The following DNAH11 variants were observed in gnomAD, a reference collection of about 807,000 sequenced individuals.
DNAH11 encodes the protein axonemal beta dynein heavy chain 11.
Under a neutral mutation model 526.0 loss-of-function variants are expected in DNAH11, and 442 were observed. The ratio of observed to expected loss-of-function variants is 0.84; its 90% CI spans 0.78 to 0.91. The LOEUF is 0.91. Among genes scored for constraint, DNAH11 ranks in the 40% least tolerant of loss-of-function variants. The pLI, the probability that DNAH11 is intolerant of heterozygous loss-of-function variation, is 0.00. For missense variants in DNAH11, 6,989 were observed against 5,448.7 expected (o/e 1.28, Z -8.90); for synonymous variants, 2,461 against 1,935.9 (o/e 1.27, Z -7.12).
intron 66 of DNAH11, among the ~76,000 whole-genome samples, chr7:21,848,674 T>A (rs1782512605): frequency 6.6e-6 from 1 of 152,124 alleles, no homozygotes; most frequent in Admixed American, 6.5e-5. Context: ...TACAACATGA[T>A]GTATGTATTT....
At chr7:21,578,875 C>T (rs756453659) in intron 8 of DNAH11, among the ~76,000 whole-genome samples, 32 of 152,156 alleles carry the variant, frequency 2.1e-4, no homozygotes, top group Non-Finnish European at 4.0e-4. Context: ...CCCTGCCTGT[C>T]CCTCCCCAAA....
intron 58 of DNAH11, 48 bp from the exon 59 acceptor site, chr7:21,786,576 C>G: frequency 3.2e-6 from 5 of 1,541,246 alleles, no homozygotes; most frequent in Admixed American, 1.8e-5. Context: ...CTTCTCCAGA[C>G]TTCCGCTAAT....
At chr7:21,578,808 C>G (rs1395658357) in intron 8 of DNAH11, among the ~76,000 whole-genome samples, 1 of 152,182 alleles carries the variant, frequency 6.6e-6, no homozygotes, top group East Asian at 1.9e-4. Flanking sequence ...AACTGCCTAC[C>G]CAACGTCTCC....
intron 54 of DNAH11, among the ~76,000 whole-genome samples, chr7:21,762,091 A>G (rs1786946050): frequency 6.6e-6 from 1 of 152,148 alleles, no homozygotes; most frequent in Admixed American, 6.5e-5. Flanking sequence ...CCCTATCATG[A>G]GAACAGCATG....
chr7:21,873,992 T>C (rs1391940273), intron 74 of DNAH11, among the ~76,000 whole-genome samples: 1 of 151,952 alleles, frequency 6.6e-6, no homozygotes, highest in East Asian at 1.9e-4. Context: ...GGTTTCACCA[T>C]GTTGACCAGA....
At chr7:21,862,615 C>T (rs1199993517) in intron 69 of DNAH11, among the ~76,000 whole-genome samples, 1 of 152,144 alleles carries the variant, frequency 6.6e-6, no homozygotes, top group Non-Finnish European at 1.5e-5. Flanking sequence ...CGAAGCATCA[C>T]AGTGTGCCAC....
intron 65 of DNAH11, among the ~76,000 whole-genome samples, chr7:21,833,359 G>A (rs890436090): frequency 2.0e-5 from 3 of 152,056 alleles, no homozygotes; most frequent in African/African-American, 7.2e-5. Context: ...CTCCACAAGG[G>A]GATGAATGAA....
At chr7:21,753,816 G>A (rs1434580305) in intron 54 of DNAH11, among the ~76,000 whole-genome samples, 2 of 152,112 alleles carry the variant, frequency 1.3e-5, no homozygotes, top group African/African-American at 2.4e-5. Flanking sequence ...ATAAGGATTA[G>A]CATCATTTTG....
rs1786052893 is a variant in DNAH11, at chr7:21,744,423, A to G, written c.8155-15A>G. 3 of 1,611,240 alleles carry G rather than the reference A, an allele frequency of 1.9e-6. No individual in the cohort carries two copies. Among genetic ancestry groups the G allele is most frequent in the African/African-American group, 1.3e-5 (1 of 74,884 alleles). On this transcript the variant is annotated splice_polypyrimidine_tract_variant and intron_variant, in intron 49 of 81. Transcript: ENST00000409508. ...CCTCTGAATTAAAGGTATTTTCCCC[A>G]TTCTTGCCTTGTAGGGGATTTTATT...
Position 21,839,301 on chromosome 7 carries a change from A to G in DNAH11, c.10692-3243A>G, listed in dbSNP as rs1459273316. 4.6e-5 allele frequency among the ~76,000 whole-genome samples: 7 copies of G among 152,230 alleles called. No homozygotes were observed. In the East Asian group the frequency reaches 1.4e-3, roughly 29 times the overall value. On this transcript the variant is annotated intron_variant, in intron 65 of 81. Transcript: ENST00000409508. ...TATTAAAAGTTGATGCCGACCGGGT[A>G]TGGTGACTCACGCCTGTAATCCCAG...
intron 54 of DNAH11, among the ~76,000 whole-genome samples, chr7:21,761,491 T>C (rs1335544171): frequency 2.0e-5 from 3 of 152,344 alleles, no homozygotes; most frequent in Non-Finnish European, 2.9e-5. Context: ...GAAAAGTCTA[T>C]GTTTCATTTA....
intron 65 of DNAH11, among the ~76,000 whole-genome samples, chr7:21,840,383 A>G (rs1011219862): frequency 2.6e-5 from 4 of 152,250 alleles, no homozygotes; most frequent in Non-Finnish European, 5.9e-5. Flanking sequence ...GGCTCTGGCT[A>G]ATTTTCTATC....
chr7:21,886,231 T>G (rs543448587), intron 76 of DNAH11, among the ~76,000 whole-genome samples: 69 of 152,264 alleles, frequency 4.5e-4, no homozygotes, highest in African/African-American at 1.6e-3. Flanking sequence ...AGTAATATAA[T>G]CATATCAGTC....
intron 75 of DNAH11, among the ~76,000 whole-genome samples, chr7:21,883,946 GGC>G (rs1269754159): frequency 6.6e-6 from 1 of 152,164 alleles, no homozygotes; most frequent in African/African-American, 2.4e-5. Context: ...GGGAGGCTGA[GGC>G]GAGAGGATTG....
chr7:21,770,337 T>A (rs1787380831), intron 55 of DNAH11, among the ~76,000 whole-genome samples: 1 of 152,370 alleles, frequency 6.6e-6, no homozygotes, highest in Non-Finnish European at 1.5e-5. Context: ...TAATTTTATA[T>A]AAGATTTTGA....
At position 21,630,694 on chromosome 7, in the gene DNAH11, C is replaced by G. The variant is rs551781663; in HGVS notation, c.4501-5177C>G. 1.1e-4 allele frequency among the ~76,000 whole-genome samples: 16 copies of G among 152,238 alleles called. 1 individual carries two copies. The South Asian group carries it at 2.3e-3, about 22-fold the overall frequency. On this transcript the variant is annotated intron_variant, in intron 25 of 81. Coordinates refer to ENST00000409508, the MANE Select transcript of DNAH11 (RefSeq NM_001277115.2). ...TTCTTTCTGTTGAGATGTCTCTTGT[C>G]AAATTGGAGCTCCTTTATATCTTAT...
intron 45 of DNAH11, among the ~76,000 whole-genome samples, chr7:21,734,804 G>A (rs1321957957): frequency 6.6e-6 from 1 of 152,006 alleles, no homozygotes; most frequent in African/African-American, 2.4e-5. Flanking sequence ...GCTGCAGTTA[G>A]CCATCATCAC....
intron 21 of DNAH11, 85 bp from the exon 22 acceptor site, chr7:21,616,124 G>C: frequency 1.0e-6 from 1 of 973,360 alleles, no homozygotes; most frequent in Non-Finnish European, 1.6e-6. Flanking sequence ...TAGAGTTACA[G>C]TGTATCATCA....
chr7:21,882,468 C>T (rs1029525183), intron 75 of DNAH11, among the ~76,000 whole-genome samples: 53 of 152,102 alleles, frequency 3.5e-4, no homozygotes, highest in African/African-American at 1.3e-3. Context: ...AAACAAAGAC[C>T]AGGATTGAGG....
Sources: gnomAD v4.1 joint callset for allele counts (sites outside exome capture counted in the v4.1 genomes callset) on GRCh38, gnomAD v4.1.1 for gene constraint, MANE v1.5 for transcripts, NCBI Gene and HGNC (gene_info 2026-07-23, HGNC 2026-07-21) for gene names.